The following LRRC8D variants were observed in gnomAD, a reference collection of about 807,000 sequenced individuals.
LRRC8D encodes the protein leucine rich repeat containing 8 VRAC subunit D.
Under a neutral mutation model 55.8 loss-of-function variants are expected in LRRC8D, and 20 were observed. That is an observed-to-expected ratio of 0.36 (90% confidence interval 0.25 to 0.52). The LOEUF (loss-of-function observed/expected upper bound fraction) is 0.52, where lower values mean the gene tolerates loss of function less well. LRRC8D is among the 20% of genes least tolerant of loss of function. The pLI, the probability that LRRC8D is intolerant of heterozygous loss-of-function variation, is 0.93. For synonymous variants in LRRC8D, 352 were observed against 377.0 expected (o/e 0.93, Z 0.77); for missense variants, 651 against 1,030.8 (o/e 0.63, Z 5.05).
chr1:89,826,606 C>T (rs4658329), intron 1 of LRRC8D, among the ~76,000 whole-genome samples: 117,910 of 152,132 alleles, frequency 0.78, 46,456 homozygotes, highest in Middle Eastern at 0.88. Flanking sequence ...ATGTGCTTAG[C>T]GTAAGTTTAC....
intron 2 of LRRC8D, among the ~76,000 whole-genome samples, chr1:89,903,067 T>C (rs956676558): frequency 2.0e-5 from 3 of 152,188 alleles, no homozygotes; most frequent in Non-Finnish European, 4.4e-5. Context: ...TTCCCACTTA[T>C]TGAGAAAGAG....
intron 2 of LRRC8D, among the ~76,000 whole-genome samples, chr1:89,919,759 T>C (rs953609588): frequency 6.6e-6 from 1 of 152,240 alleles, no homozygotes; most frequent in Non-Finnish European, 1.5e-5. Context: ...CATTATCCCT[T>C]GCTCTTTTTA....
At chr1:89,888,775 G>A (rs1662487339) in intron 2 of LRRC8D, among the ~76,000 whole-genome samples, 1 of 152,158 alleles carries the variant, frequency 6.6e-6, no homozygotes, top group African/African-American at 2.4e-5. Context: ...AGGGACACAG[G>A]AGTTACTGAA....
chr1:89,835,085 A>G (rs1333065767), intron 1 of LRRC8D, among the ~76,000 whole-genome samples: 1 of 152,124 alleles, frequency 6.6e-6, no homozygotes, highest in Non-Finnish European at 1.5e-5. Context: ...ACTAGGCTGC[A>G]TCTAAGGATC....
chr1:89,834,115 G>A (rs1203283460), intron 1 of LRRC8D, among the ~76,000 whole-genome samples: 1 of 152,158 alleles, frequency 6.6e-6, no homozygotes, highest in Non-Finnish European at 1.5e-5. Flanking sequence ...GGAAAGAAAG[G>A]GGAGTACAAA....
In LRRC8D at chr1:89,935,562, G is replaced by A; in HGVS notation, c.2494G>A (p.Asp832Asn). The change falls in exon 3 of 3, where the codon GAT becomes AAT. Residue 832 changes from aspartate (D) to asparagine (N), a missense_variant. Asp to Asn is a conservative substitution (Grantham distance 23). Around this residue, in one of 5 missense-constraint regions of LRRC8D, gnomAD observed 338 missense variants for 479.4 expected, o/e 0.71. Transcript: ENST00000337338. ...MLKKSGLVVE[D>N]HLFDTLPLEV... is the part of the protein sequence containing the mutation. ...CAAGAAAAGCGGGCTTGTTGTGGAA[G>A]ATCACCTTTTTGATACCCTGCCACT... 1 of 1,614,192 alleles carries A rather than the reference G, an allele frequency of 6.2e-7. No individual in the cohort carries two copies. The highest frequency in any genetic ancestry group is 2.2e-5 in the East Asian group (1 of 44,888).
chr1:89,821,978 A>G (rs1207092730), intron 1 of LRRC8D: 1 of 152,264 alleles, frequency 6.6e-6, no homozygotes, highest in Non-Finnish European at 1.5e-5. Context: ...ACTTCTGCTC[A>G]AATCCTGTCC....
intron 2 of LRRC8D, among the ~76,000 whole-genome samples, chr1:89,921,932 T>C (rs1041412567): frequency 2.0e-5 from 3 of 152,216 alleles, no homozygotes; most frequent in African/African-American, 4.8e-5. Flanking sequence ...CATGAATATA[T>C]GTTTTCTAGC....
intron 2 of LRRC8D, among the ~76,000 whole-genome samples, chr1:89,888,867 G>T (rs1042521129): frequency 6.6e-6 from 1 of 152,182 alleles, no homozygotes; most frequent in Non-Finnish European, 1.5e-5. Context: ...TATGAAATAT[G>T]TACCCATCCT....
intron 1 of LRRC8D, among the ~76,000 whole-genome samples, chr1:89,835,240 T>C (rs544272304): frequency 6.6e-6 from 1 of 152,260 alleles, no homozygotes; most frequent in South Asian, 2.1e-4. Context: ...GAGGGAAGGG[T>C]TCTAGAGGGC....
At position 89,911,694 on chromosome 1, in the gene LRRC8D, C is replaced by CT. The variant is rs57430498; in HGVS notation, c.-2-21373_-2-21372insT. On this transcript the variant is annotated intron_variant, in intron 2 of 2. Coordinates refer to ENST00000337338, the MANE Select transcript of LRRC8D (RefSeq NM_001134479.2). This position sits in a 1 kb window ranked among gnomAD's most constrained non-coding sequence, Gnocchi z 4.0. ...TCACTTTCCCACATACCCTTGCACA[C>CT]GTGAGCCAGACTTTTTCACCGAAAG... 0.3 allele frequency among the ~76,000 whole-genome samples: 45,716 copies of CT among 151,900 alleles called. 7,279 individuals are homozygous for CT. Among genetic ancestry groups the CT allele is most frequent in the African/African-American group, 0.4 (16,593 of 41,354 alleles).
At chr1:89,927,527 T>A (rs1663598908) in intron 2 of LRRC8D, among the ~76,000 whole-genome samples, 1 of 152,232 alleles carries the variant, frequency 6.6e-6, no homozygotes, top group African/African-American at 2.4e-5. Flanking sequence ...TTTGGATGAA[T>A]ATATACCCGT....
At chr1:89,919,700 T>G (rs144513551) in intron 2 of LRRC8D, among the ~76,000 whole-genome samples, 53 of 152,358 alleles carry the variant, frequency 3.5e-4, no homozygotes, top group African/African-American at 1.3e-3. Context: ...GAGCCTTTAT[T>G]AAGGTCTCTT....
chr1:89,857,411 A>G (rs1182189825), intron 2 of LRRC8D, among the ~76,000 whole-genome samples: 1 of 150,262 alleles, frequency 6.7e-6, no homozygotes, highest in Non-Finnish European at 1.5e-5. Flanking sequence ...AAAAGTAATT[A>G]TCTCTGAGTG....
intron 2 of LRRC8D, among the ~76,000 whole-genome samples, chr1:89,896,193 T>A (rs1429920891): frequency 4.6e-5 from 7 of 151,998 alleles, no homozygotes; most frequent in Non-Finnish European, 8.8e-5. Context: ...GGGGAGAGGA[T>A]CAGCCTTGAA....
At chr1:89,924,904 G>A (rs768350272) in intron 2 of LRRC8D, among the ~76,000 whole-genome samples, 3 of 152,100 alleles carry the variant, frequency 2.0e-5, no homozygotes, top group Non-Finnish European at 4.4e-5. Flanking sequence ...ATAGACACAG[G>A]GGCCTGCTTA....
At chr1:89,858,971 C>G (rs1487786898) in intron 2 of LRRC8D, among the ~76,000 whole-genome samples, 1 of 151,976 alleles carries the variant, frequency 6.6e-6, no homozygotes, top group African/African-American at 2.4e-5. Context: ...AATTCATTCA[C>G]AATACACTGA....
intron 2 of LRRC8D, among the ~76,000 whole-genome samples, chr1:89,886,407 C>G (rs1012078153): frequency 6.6e-6 from 1 of 152,144 alleles, no homozygotes; most frequent in Non-Finnish European, 1.5e-5. Context: ...GATCTAGTAG[C>G]TCTTATACTG....
chr1:89,857,370 G>A lies in LRRC8D; in HGVS notation c.-3+13588G>A, dbSNP rs375554005. On this transcript the variant is annotated intron_variant, in intron 2 of 2. Coordinates refer to ENST00000337338, the MANE Select transcript of LRRC8D (RefSeq NM_001134479.2). ...GCATTCCAGCCTGGGCAACAAGAGC[G>A]AAACTCCATCTCAAAAAAAAAAAAA... is the stretch of plus-strand genomic sequence containing the variant. Among the ~76,000 whole-genome samples, 35 of 99,858 alleles carry A rather than the reference G, an allele frequency of 3.5e-4. 1 individual carries two copies. The highest frequency in any genetic ancestry group is 1.5e-3 in the Admixed American group (10 of 6,878). The allele number at this position is 99,858 out of a possible 152,430, so 65.5% of individuals were successfully genotyped here.
Sources: gnomAD v4.1 joint callset for allele counts (sites outside exome capture counted in the v4.1 genomes callset) on GRCh38, gnomAD v4.1.1 for gene constraint, gnomAD v4.1.1 regional missense constraint, Gnocchi (gnomAD v3.1) non-coding constraint, MANE v1.5 for transcripts, NCBI Gene and HGNC (gene_info 2026-07-23, HGNC 2026-07-21) for gene names.